Variants in HERC6 observed in about 807,000 individuals in gnomAD.
HERC6 encodes HECT and RLD domain containing E3 ubiquitin protein ligase family member 6, also known as probable E3 ubiquitin-protein ligase HERC6.
In HERC6, 101 loss-of-function variants were observed where a neutral mutation model predicts 114.5. The observed-to-expected ratio is 0.88, with a 90% CI of 0.75 to 1.04. The LOEUF is 1.04. Ranked by LOEUF, HERC6 falls within the 50% of genes least tolerant of loss-of-function variation. HERC6 has a pLI of 0.00. For synonymous variants in HERC6, 408 were observed against 436.2 expected (o/e 0.94, Z 0.81); for missense variants, 1,133 against 1,230.9 (o/e 0.92, Z 1.19).
In HERC6 at chr4:88,379,202, G is replaced by A. The variant is rs115860223; in HGVS notation, c.199+82G>A. The A allele has an allele frequency of 8.4e-4, 988 of 1,183,172 alleles. 13 individuals carry two copies. The African/African-American group carries it at 0.014, about 17-fold the overall frequency. 73.3% of individuals were successfully genotyped at this position (1,183,172 alleles called of 1,614,324 possible). ...CTTGGGTACCGGGCGCAGGGAACCG[G>A]GTGCGGAGCGCTGGGACCCGGGTGA... is the stretch of plus-strand genomic sequence containing the variant. On this transcript the variant is annotated intron_variant, in intron 1 of 22. Coordinates refer to ENST00000264346, the MANE Select transcript of HERC6 (RefSeq NM_017912.4).
At chr4:88,431,423 T>C (rs1738197972) in intron 17 of HERC6, 118 bp downstream of exon 17, 1 of 1,172,676 alleles carries the variant, frequency 8.5e-7, no homozygotes, top group Admixed American at 2.4e-5. Flanking sequence ...CTACTCATAT[T>C]TTGAGTAGTA....
intron 12 of HERC6, among the ~76,000 whole-genome samples, chr4:88,416,980 A>G (rs1736541146): frequency 6.6e-6 from 1 of 152,202 alleles, no homozygotes; most frequent in Non-Finnish European, 1.5e-5. Flanking sequence ...TAAAAAGTAC[A>G]TGGCCATGTA....
Position 88,431,179 on chromosome 4 carries a change from A to C in HERC6, c.2124A>C (p.Glu708Asp). The C allele has an allele frequency of 6.2e-7, 1 of 1,608,366 alleles. No individual in the cohort carries two copies. The highest frequency in any genetic ancestry group is 8.5e-7 in the Non-Finnish European group (1 of 1,178,318). Residue 708 changes from glutamate (E) to aspartate (D), a missense_variant, in exon 17 of 23, where the codon GAA becomes GAC. Coordinates refer to ENST00000264346, the MANE Select transcript of HERC6 (RefSeq NM_017912.4). ...TTCCTTAGGTTGAATTTATTAATGA[A>C]ATTTGTCCTGAGTCTGGAGGGGTTA... is the stretch of plus-strand genomic sequence containing the variant. ...CKVLVVEFIN[E>D]ICPESGGVSS...
At chr4:88,426,140 C>CTAGACAG (rs1737586251) in intron 15 of HERC6, among the ~76,000 whole-genome samples, 1 of 152,066 alleles carries the variant, frequency 6.6e-6, no homozygotes, top group Admixed American at 6.5e-5. Context: ...AGTAGCATTC[C>CTAGACAG]ACAGGTAAGG....
chr4:88,405,880 G>T (rs1735790577), intron 10 of HERC6, among the ~76,000 whole-genome samples: 2 of 151,994 alleles, frequency 1.3e-5, no homozygotes, highest in South Asian at 4.2e-4. Flanking sequence ...GTTTTTTCAG[G>T]ATCTTTGTAT....
intron 16 of HERC6, among the ~76,000 whole-genome samples, chr4:88,430,462 C>T (rs757608843): frequency 1.8e-4 from 28 of 151,676 alleles, no homozygotes; most frequent in Non-Finnish European, 3.2e-4. Flanking sequence ...CTCAGCTACT[C>T]GGGAGGCTGA....
intron 8 of HERC6, among the ~76,000 whole-genome samples, chr4:88,403,872 T>C (rs6825412): frequency 6.6e-6 from 1 of 151,986 alleles, no homozygotes; most frequent in Admixed American, 6.5e-5. Flanking sequence ...TTGCCATTTT[T>C]ATCATTTTAA....
chr4:88,400,281 A>G (rs1560541966), intron 8 of HERC6, among the ~76,000 whole-genome samples: 1 of 152,174 alleles, frequency 6.6e-6, no homozygotes, highest in Non-Finnish European at 1.5e-5. Flanking sequence ...GGCTCACTGC[A>G]GCCTCAAATT....
Position 88,428,485 on chromosome 4 carries a change from T to C in HERC6, c.1936-95T>C, listed in dbSNP as rs143539014. On this transcript the variant is annotated intron_variant, in intron 15 of 22. Coordinates refer to ENST00000264346, the MANE Select transcript of HERC6 (RefSeq NM_017912.4). ...TTTATAGCAATGGCAGGATTAAGTA[T>C]ATACTACACAAAATGTTTATTGGAA... 2.9e-3 allele frequency: 2,525 copies of C among 881,578 alleles called. 17 individuals are homozygous for C. Among genetic ancestry groups the C allele is most frequent in the East Asian group, 0.028 (1,007 of 36,588 alleles). 54.6% of individuals were successfully genotyped at this position (881,578 alleles called of 1,614,324 possible).
At chr4:88,410,154 G>A (rs1736012446) in intron 11 of HERC6, among the ~76,000 whole-genome samples, 1 of 152,216 alleles carries the variant, frequency 6.6e-6, no homozygotes, top group Admixed American at 6.5e-5. Context: ...AGGTCCTGAT[G>A]ACATGTGCCC....
chr4:88,380,192 ATAATAT>A (rs1734163590), intron 1 of HERC6, among the ~76,000 whole-genome samples: 1 of 7,938 alleles, frequency 1.3e-4, no homozygotes, highest in South Asian at 3.0e-3. Flanking sequence ...AAATATATAT[ATAATAT>A]AAATATATAT....
chr4:88,442,938 A>G lies in HERC6; in HGVS notation c.*478A>G, dbSNP rs946434847. The G allele has an allele frequency of 1.2e-5, 2 of 172,644 alleles. No individual in the cohort carries two copies. The highest frequency in any genetic ancestry group is 4.7e-5 in the African/African-American group (2 of 42,172). 10.7% of individuals were successfully genotyped at this position (172,644 alleles called of 1,614,324 possible). A position where few individuals can be genotyped will look rare whatever the true frequency, so the allele number is the denominator to read the frequency against. ...TCAGTCTTTCATTTACATAGGGTGT[A>G]ACCATCAAGAAACCTCTACAGGGTA... On this transcript the variant is annotated 3_prime_UTR_variant, in exon 23 of 23. Coordinates refer to ENST00000264346, the MANE Select transcript of HERC6 (RefSeq NM_017912.4).
chr4:88,408,196 G>A (rs907357478), intron 10 of HERC6, among the ~76,000 whole-genome samples: 5 of 152,048 alleles, frequency 3.3e-5, no homozygotes, highest in African/African-American at 4.8e-5. Flanking sequence ...AGGGTGGGGG[G>A]TAGGTAGTTC....
At chr4:88,395,553 CT>C (rs1185562247) in intron 5 of HERC6, among the ~76,000 whole-genome samples, 2 of 151,994 alleles carry the variant, frequency 1.3e-5, no homozygotes, top group East Asian at 3.9e-4. Flanking sequence ...ACATACATAT[CT>C]TTTTTTGTGA....
In HERC6 at chr4:88,396,096, C is replaced by T. The variant is rs1735216296; in HGVS notation, c.841C>T (p.Leu281Phe). 6.8e-6 allele frequency: 11 copies of T among 1,605,986 alleles called. No individual in the cohort carries two copies. Among genetic ancestry groups the T allele is most frequent in the East Asian group, 4.5e-5 (2 of 44,266 alleles). ...SPTPEKRGPQ[L>F]VERIDGLVSQ... ...CACTCCTGAGAAGAGAGGTCCACAA[C>T]TTGTGGAAAGAATTGATGGCCTAGT... The change falls in exon 6 of 23, where the codon CTT becomes TTT. Residue 281 changes from leucine to phenylalanine, a missense_variant. By Grantham distance (22) the Leu-to-Phe change is conservative. This residue lies in a region of HERC6 where 735 missense variants were observed against 754.0 expected (regional missense o/e 0.97). Coordinates refer to ENST00000264346, the MANE Select transcript of HERC6 (RefSeq NM_017912.4).
intron 10 of HERC6, among the ~76,000 whole-genome samples, chr4:88,405,967 A>G (rs966194958): frequency 2.6e-5 from 4 of 152,236 alleles, no homozygotes; most frequent in African/African-American, 7.2e-5. Flanking sequence ...TTTACTGTGT[A>G]TGATCAATTA....
chr4:88,379,245 G>T (rs1421102185), intron 1 of HERC6, 125 bp downstream of exon 1: 1 of 766,328 alleles, frequency 1.3e-6, no homozygotes. Context: ...GGGGGCCCAG[G>T]TGCAGGGAGC....
chr4:88,413,089 C>G lies in HERC6; in HGVS notation c.1381C>G (p.Leu461Val), dbSNP rs184025430. Reference sequence around the variant, plus strand: ...ATTTTTACCACAGATAACTACGTGTCTCGAGGATGATCTGCTCAGAGCTCT... The same window carrying G: ...ATTTTTACCACAGATAACTACGTGTGTCGAGGATGATCTGCTCAGAGCTCT... ...EWISSMITTC[L>V]EDDLLRALPC... is the part of the protein sequence containing the mutation. Residue 461 changes from leucine to valine, a missense_variant, in exon 12 of 23, where the codon CTC (leucine) becomes GTC (valine). By Grantham distance (32) the Leu-to-Val change is conservative. Around this residue, in one of 3 missense-constraint regions of HERC6, gnomAD observed 735 missense variants for 754.0 expected, o/e 0.97. Coordinates refer to ENST00000264346, the MANE Select transcript of HERC6 (RefSeq NM_017912.4). 194 of 1,607,738 alleles carry G rather than the reference C, an allele frequency of 1.2e-4. No homozygotes were observed. Among genetic ancestry groups the G allele is most frequent in the Non-Finnish European group, 2.7e-5 (32 of 1,177,698 alleles).
At chr4:88,384,054 A>G (rs1734456476) in intron 2 of HERC6, among the ~76,000 whole-genome samples, 1 of 152,110 alleles carries the variant, frequency 6.6e-6, no homozygotes, top group South Asian at 2.1e-4. Flanking sequence ...TTCCTTTATC[A>G]TACTAAAACA....
Sources: allele counts gnomAD v4.1 joint callset (sites outside exome capture counted in the v4.1 genomes callset), GRCh38; gene constraint gnomAD v4.1.1; regional missense constraint gnomAD v4.1.1; transcripts MANE v1.5; gene names NCBI Gene and HGNC (gene_info 2026-07-23, HGNC 2026-07-21).